The following OSBPL9 variants were observed in gnomAD, a reference collection of about 807,000 sequenced individuals.
OSBPL9 encodes oxysterol binding protein like 9.
In OSBPL9, 40 loss-of-function variants were observed where a neutral mutation model predicts 106.6. That is an observed-to-expected ratio of 0.38 (90% CI 0.29 to 0.49). The LOEUF (loss-of-function observed/expected upper bound fraction) is 0.49, where lower values mean the gene tolerates loss of function less well. Among genes scored for constraint, OSBPL9 ranks in the 20% least tolerant of loss-of-function variants. The probability of loss-of-function intolerance (pLI) is 0.97; values close to 1 mark genes in which losing one functional copy is unlikely to be tolerated. For synonymous variants in OSBPL9, 269 were observed against 295.4 expected, an observed-to-expected ratio of 0.91 and a Z score of 0.92; for missense variants, 609 against 887.2, an observed-to-expected ratio of 0.69 and a Z score of 3.98.
At chr1:51,543,405 G>GT in the OSBPL9 span, among the ~76,000 whole-genome samples, 98 of 151,596 alleles carry the variant, frequency 6.5e-4, 1 homozygote, top group Admixed American at 2.5e-3. Context: ...AGGTTTTTTT[G>GT]TTTTTTTTGA....
chr1:51,596,819 C>T (rs1482837043), intron 1 of OSBPL9, among the ~76,000 whole-genome samples: 1 of 152,088 alleles, frequency 6.6e-6, no homozygotes, highest in Non-Finnish European at 1.5e-5. Flanking sequence ...TTATTAAGGT[C>T]CTCCTATATG....
chr1:51,755,550 C>T (rs1670157967), intron 8 of OSBPL9, among the ~76,000 whole-genome samples: 1 of 152,172 alleles, frequency 6.6e-6, no homozygotes, highest in Non-Finnish European at 1.5e-5. Context: ...GATCTTCTCT[C>T]ACTATACTGG....
At chr1:51,598,992 C>CAAA (rs986127011) in intron 2 of OSBPL9, among the ~76,000 whole-genome samples, 2 of 66,898 alleles carry the variant, frequency 3.0e-5, no homozygotes, top group Non-Finnish European at 3.2e-5. Flanking sequence ...GACTCTGTCT[C>CAAA]AAAAAAAAAA....
chr1:51,760,817 G>A, intron 10 of OSBPL9, 37 bp downstream of exon 10: 1 of 1,600,780 alleles, frequency 6.2e-7, no homozygotes, highest in East Asian at 2.2e-5. Flanking sequence ...TCATTGATGA[G>A]AAAAAAATAA....
At chr1:51,696,215 C>T (rs564968409) in intron 3 of OSBPL9, among the ~76,000 whole-genome samples, 4 of 152,280 alleles carry the variant, frequency 2.6e-5, no homozygotes, top group Admixed American at 6.5e-5. Context: ...GACATTGTAG[C>T]GTAGCCCAGA....
intron 4 of OSBPL9, chr1:51,740,095 C>A (rs1361084477): frequency 6.5e-7 from 1 of 1,547,274 alleles, no homozygotes. Context: ...ATGTTAGACT[C>A]ACAGCATGGT....
At chr1:51,677,626 A>G (rs977854458) in intron 3 of OSBPL9, among the ~76,000 whole-genome samples, 2 of 151,582 alleles carry the variant, frequency 1.3e-5, no homozygotes, top group African/African-American at 2.4e-5. Context: ...ACAACAGCTC[A>G]CTGTAACCTC....
chr1:51,531,674 G>C, the OSBPL9 span, among the ~76,000 whole-genome samples: 1 of 152,208 alleles, frequency 6.6e-6, no homozygotes, highest in Non-Finnish European at 1.5e-5. Flanking sequence ...TATCCAAGTT[G>C]AAATGTCAAG....
chr1:51,765,762 A>G (rs1183130361), intron 11 of OSBPL9, 60 bp from the exon 12 acceptor site: 3 of 1,447,956 alleles, frequency 2.1e-6, no homozygotes, highest in East Asian at 2.4e-5. Flanking sequence ...CTTTGACTCC[A>G]TCTCCCTAGT....
upstream of OSBPL9, among the ~76,000 whole-genome samples, chr1:51,613,002 A>G (rs933974638): frequency 6.6e-6 from 1 of 152,202 alleles, no homozygotes; most frequent in Non-Finnish European, 1.5e-5. Context: ...ATCTTGAAGG[A>G]TTGTTGAGGG....
intron 14 of OSBPL9, among the ~76,000 whole-genome samples, chr1:51,774,893 G>T (rs536975022): frequency 3.3e-5 from 5 of 152,092 alleles, no homozygotes; most frequent in Non-Finnish European, 7.4e-5. Flanking sequence ...TTTAAATTAC[G>T]TGTGAAATTA....
At chr1:51,519,216 G>A in the OSBPL9 span, 2 of 1,417,918 alleles carry the variant, frequency 1.4e-6, no homozygotes, top group Non-Finnish European at 9.3e-7. Flanking sequence ...AGAGAGAGCT[G>A]GGCCGCCGCA....
rs60959658 is a variant in OSBPL9 at position 51,611,245 on chromosome 1, GA to G, written c.-352-3047del. 1.1e-3 allele frequency among the ~76,000 whole-genome samples: 149 copies of G among 136,860 alleles called. 1 individual carries two copies. Among genetic ancestry groups the G allele is most frequent in the South Asian group, 5.1e-3 (22 of 4,314 alleles). 89.8% of individuals were successfully genotyped at this position (136,860 alleles called of 152,430 possible). A position where few individuals can be genotyped will look rare whatever the true frequency, so the allele number is the denominator to read the frequency against. Reference sequence around the variant, plus strand: ...TTGCTCTGTAGCTAGTGGAAAGGGTGAAAAAAAAAAAAACAGGACTGTGAAC... The same window carrying G: ...TTGCTCTGTAGCTAGTGGAAAGGGTGAAAAAAAAAAAACAGGACTGTGAAC... On this transcript the variant is annotated intron_variant, in intron 2 of 25. Transcript: ENST00000371714.
At chr1:51,749,772 C>CAG (rs112311838) in intron 7 of OSBPL9, among the ~76,000 whole-genome samples, 8,618 of 151,268 alleles carry the variant, frequency 0.057, 458 homozygotes, top group African/African-American at 0.14. Flanking sequence ...GAGGCTGAGA[C>CAG]GGGGATCGCT....
At chr1:51,552,928 A>AT in the OSBPL9 span, among the ~76,000 whole-genome samples, 82 of 149,614 alleles carry the variant, frequency 5.5e-4, 1 homozygote, top group South Asian at 7.0e-3. Flanking sequence ...TGGTCTTTCC[A>AT]TTTTTTTTTA....
the OSBPL9 span, among the ~76,000 whole-genome samples, chr1:51,545,319 C>G: frequency 1.3e-5 from 2 of 152,060 alleles, no homozygotes; most frequent in African/African-American, 4.8e-5. Context: ...ATACAACAGG[C>G]AAAACACACA....
chr1:51,525,229 A>C, the OSBPL9 span, among the ~76,000 whole-genome samples: 1 of 152,240 alleles, frequency 6.6e-6, no homozygotes, highest in Non-Finnish European at 1.5e-5. Flanking sequence ...ATCAAATCAT[A>C]AACTAAGTCT....
chr1:51,546,236 C>T, the OSBPL9 span, among the ~76,000 whole-genome samples: 5 of 152,054 alleles, frequency 3.3e-5, no homozygotes, highest in African/African-American at 4.8e-5. Flanking sequence ...AGGCTGGTCT[C>T]GAATTCCTGA....
At chr1:51,679,915 G>A (rs1198658010) in intron 3 of OSBPL9, among the ~76,000 whole-genome samples, 1 of 152,136 alleles carries the variant, frequency 6.6e-6, no homozygotes, top group Non-Finnish European at 1.5e-5. Context: ...AGGCAAGTAT[G>A]TAATAGGAAA....
Sources: allele counts gnomAD v4.1 joint callset (sites outside exome capture counted in the v4.1 genomes callset), GRCh38; gene constraint gnomAD v4.1.1; transcripts MANE v1.5; gene names NCBI Gene and HGNC (gene_info 2026-07-23, HGNC 2026-07-21).